ZFTRAF1: variants seen among roughly 807,000 people sequenced by gnomAD.
The protein encoded by ZFTRAF1 is zinc finger TRAF-type and ring finger containing 1.
At chr8:144,452,972 C>A in the ZFTRAF1 span, among the ~76,000 whole-genome samples, 280 of 152,336 alleles carry the variant, frequency 1.8e-3, no homozygotes, top group Non-Finnish European at 3.3e-3. Context: ...CTTCAAGGGG[C>A]TCCCCCACAG....
At chr8:144,451,049 A>T in the ZFTRAF1 span, 1 of 398,504 alleles carries the variant, frequency 2.5e-6, no homozygotes, top group Non-Finnish European at 4.6e-6. Context: ...TGCCCGACCC[A>T]CGCTGGCCTC....
chr8:144,458,910 C>G, the ZFTRAF1 span, among the ~76,000 whole-genome samples: 1 of 152,208 alleles, frequency 6.6e-6, no homozygotes, highest in African/African-American at 2.4e-5. Context: ...GGCCCCTGCC[C>G]GGCACTTACA....
chr8:144,450,371 G>A, the ZFTRAF1 span: 11 of 711,552 alleles, frequency 1.5e-5, no homozygotes, highest in Admixed American at 1.2e-4. Context: ...ACATCCTGAG[G>A]CCCCGCCCTA....
At chr8:144,451,598 C>T in the ZFTRAF1 span, 479 of 154,118 alleles carry the variant, frequency 3.1e-3, 26 homozygotes, top group East Asian at 0.076. Flanking sequence ...GCTTGCGCCA[C>T]GCCTGGTGCT....
At chr8:144,450,790 C>T in the ZFTRAF1 span, 1 of 677,952 alleles carries the variant, frequency 1.5e-6, no homozygotes, top group Non-Finnish European at 2.8e-6. Flanking sequence ...CAGACAGGGC[C>T]GGAAAGAGCC....
chr8:144,454,806 C>T, the ZFTRAF1 span: 1 of 152,354 alleles, frequency 6.6e-6, no homozygotes, highest in East Asian at 1.9e-4. Flanking sequence ...TCTGAGCTGC[C>T]ATCCTACTGC....
At chr8:144,456,995 CAT>C in the ZFTRAF1 span, 1 of 134,358 alleles carries the variant, frequency 7.4e-6, no homozygotes, top group Non-Finnish European at 1.5e-5. Context: ...CAGGGGATGA[CAT>C]TGTGGGAAAT....
the ZFTRAF1 span, among the ~76,000 whole-genome samples, chr8:144,459,731 C>T: frequency 1.3e-5 from 2 of 152,216 alleles, no homozygotes; most frequent in African/African-American, 2.4e-5. Context: ...GGAGAACACA[C>T]AAAGCTCAGC....
At chr8:144,452,165 G>C in the ZFTRAF1 span, 8 of 702,756 alleles carry the variant, frequency 1.1e-5, no homozygotes, top group South Asian at 1.1e-4. Context: ...GGTCTGCCTC[G>C]GCCCCTCCTT....
the ZFTRAF1 span, chr8:144,449,738 G>C: frequency 2.6e-5 from 4 of 152,928 alleles, no homozygotes; most frequent in African/African-American, 9.7e-5. Flanking sequence ...ACCCTACCTG[G>C]ATCTTCCTGC....
At chr8:144,462,182 GC>G in the ZFTRAF1 span, 1 of 410,328 alleles carries the variant, frequency 2.4e-6, no homozygotes, top group Non-Finnish European at 4.3e-6. Context: ...CGGCCGCCGG[GC>G]CCCGCAGGCC....
chr8:144,452,417 C>T, the ZFTRAF1 span: 1 of 1,550,254 alleles, frequency 6.5e-7, no homozygotes, highest in Non-Finnish European at 8.7e-7. Context: ...ACAGCTGCAT[C>T]TCCTTGCGGT....
At chr8:144,456,836 ACAGGGGCATGACATTG>A in the ZFTRAF1 span, 2 of 150,542 alleles carry the variant, frequency 1.3e-5, no homozygotes, top group Non-Finnish European at 3.0e-5. Flanking sequence ...GGATGACATC[ACAGGGGCATGACATTG>A]CAGGGGAATT....
chr8:144,458,923 C>G, the ZFTRAF1 span, among the ~76,000 whole-genome samples: 4 of 152,344 alleles, frequency 2.6e-5, no homozygotes, highest in East Asian at 7.7e-4. Flanking sequence ...CACTTACACC[C>G]GAGTGAGCCC....
chr8:144,452,682 CG>C, the ZFTRAF1 span: 2 of 1,026,322 alleles, frequency 1.9e-6, no homozygotes, highest in African/African-American at 1.6e-5. Context: ...GCAGGACACA[CG>C]TAACTGTGAG....
At chr8:144,460,046 C>T in the ZFTRAF1 span, among the ~76,000 whole-genome samples, 1 of 152,228 alleles carries the variant, frequency 6.6e-6, no homozygotes, top group East Asian at 1.9e-4. Flanking sequence ...CCCAGATTCT[C>T]CAGGGAGCAG....
At chr8:144,453,956 G>A in the ZFTRAF1 span, 1 of 158,668 alleles carries the variant, frequency 6.3e-6, no homozygotes, top group Non-Finnish European at 1.4e-5. Flanking sequence ...TTGGCTCAGG[G>A]TGAGCCCAGG....
the ZFTRAF1 span, chr8:144,456,756 T>C: frequency 6.7e-6 from 1 of 148,750 alleles, no homozygotes; most frequent in Admixed American, 6.7e-5. Flanking sequence ...CGGGATGATG[T>C]CACATGAATG....
At chr8:144,461,044 G>A in the ZFTRAF1 span, among the ~76,000 whole-genome samples, 1 of 152,198 alleles carries the variant, frequency 6.6e-6, no homozygotes, top group African/African-American at 2.4e-5. Context: ...CCCCTAGCTG[G>A]CCCTGGTGCC....
Sources: gnomAD v4.1 joint callset for allele counts (sites outside exome capture counted in the v4.1 genomes callset) on GRCh38, gnomAD v4.1.1 for gene constraint, MANE v1.5 for transcripts, NCBI Gene and HGNC (gene_info 2026-07-23, HGNC 2026-07-21) for gene names.